Variants in DNASE2B observed in about 807,000 individuals in gnomAD.
DNASE2B encodes the protein deoxyribonuclease 2 beta, also known as deoxyribonuclease-2-beta.
DNASE2B carries 43 observed loss-of-function variants against 46.0 expected under a neutral mutation model. The ratio of observed to expected loss-of-function variants is 0.94; its 90% CI spans 0.73 to 1.21. The LOEUF (loss-of-function observed/expected upper bound fraction) is 1.21. Among genes scored for constraint, DNASE2B ranks in the 50% most tolerant of loss-of-function variants. The pLI is 0.00. For missense variants in DNASE2B, 395 were observed against 414.4 expected, an observed-to-expected ratio of 0.95 and a Z score of 0.41; for synonymous variants, 156 against 152.5, an observed-to-expected ratio of 1.02 and a Z score of -0.17.
At chr1:84,413,248 A>C (rs1680634189) in intron 5 of DNASE2B, among the ~76,000 whole-genome samples, 1 of 151,990 alleles carries the variant, frequency 6.6e-6, no homozygotes, top group Non-Finnish European at 1.5e-5. Flanking sequence ...CAGGGCCTTC[A>C]CTTGCTCAAT....
At chr1:84,413,928 T>C (rs1680645808) in intron 5 of DNASE2B, among the ~76,000 whole-genome samples, 1 of 152,200 alleles carries the variant, frequency 6.6e-6, no homozygotes, top group Non-Finnish European at 1.5e-5. Context: ...TCCAGATCCT[T>C]AATAACACTC....
Position 84,408,425 on chromosome 1 carries a change from A to C in DNASE2B, c.304-12A>C, listed in dbSNP as rs1429833582. On this transcript the variant is annotated splice_polypyrimidine_tract_variant and intron_variant, in intron 2 of 5. Coordinates refer to ENST00000370665, the MANE Select transcript of DNASE2B (RefSeq NM_021233.3). ...AGATTTACGCCATTATAACCCTAAT[A>C]TATTCCTGCAGAGTAACAACACAGC... 6.2e-7 allele frequency: 1 copy of C among 1,602,604 alleles called. No individual in the cohort carries two copies. The highest frequency in any genetic ancestry group is 1.3e-5 in the African/African-American group (1 of 74,390).
chr1:84,411,111 T>C, intron 4 of DNASE2B, 112 bp downstream of exon 4: 2 of 1,267,788 alleles, frequency 1.6e-6, no homozygotes, highest in Non-Finnish European at 2.2e-6. Flanking sequence ...GACCCTCTGA[T>C]ACCTAGATTC....
chr1:84,400,303 G>A (rs1369717251), intron 1 of DNASE2B, among the ~76,000 whole-genome samples: 1 of 152,168 alleles, frequency 6.6e-6, no homozygotes, highest in East Asian at 1.9e-4. Context: ...AGGAGGCGGA[G>A]GTTGTGGTGA....
rs12057168 is a variant in DNASE2B, at chr1:84,405,348, T to C, written c.304-3089T>C. Among the ~76,000 whole-genome samples the C allele has an allele frequency of 4.2e-3, 633 of 152,348 alleles. 8 individuals are homozygous for C. Among genetic ancestry groups the C allele is most frequent in the African/African-American group, 0.015 (615 of 41,576 alleles). On this transcript the variant is annotated intron_variant, in intron 2 of 5. Transcript: ENST00000370665. ...AGCTATAAAAGTATTTTGTAAAAAG[T>C]GCAAGGTTTTCATGCCTACTGGCAT...
Position 84,412,574 on chromosome 1 carries a change from G to A in DNASE2B, c.745+28G>A, listed in dbSNP as rs527599133. On this transcript the variant is annotated intron_variant, in intron 5 of 5. Transcript: ENST00000370665. ...ATGAAAGACCATCATCAAACAACAT[G>A]CTGTATAATTCTGCTGTTGAACTGA... 2.0e-4 allele frequency: 317 copies of A among 1,569,926 alleles called. 6 individuals are homozygous for A. The South Asian group carries it at 3.5e-3, about 17-fold the overall frequency.
chr1:84,401,658 T>G (rs1045623206), intron 1 of DNASE2B, among the ~76,000 whole-genome samples: 1 of 152,178 alleles, frequency 6.6e-6, no homozygotes, highest in African/African-American at 2.4e-5. Context: ...GACTTCCACT[T>G]CAGGGACTCC....
chr1:84,413,023 A>T (rs377644641), intron 5 of DNASE2B, among the ~76,000 whole-genome samples: 6 of 145,446 alleles, frequency 4.1e-5, no homozygotes, highest in African/African-American at 1.6e-4. Context: ...CCACCCCCAA[A>T]GAAGTGATGC....
chr1:84,414,941 T>C lies in DNASE2B; in HGVS notation c.*73T>C, dbSNP rs1385205546. 7.3e-6 allele frequency: 8 copies of C among 1,092,172 alleles called. No homozygotes were observed. The Admixed American group carries it at 9.9e-5, about 13-fold the overall frequency. 67.7% of individuals were successfully genotyped at this position (1,092,172 alleles called of 1,614,324 possible). ...GTCTTCTTCCATTACACCTTCTTTA[T>C]ATTTTAAAGGCCTGTGAATATACTT... On this transcript the variant is annotated 3_prime_UTR_variant, in exon 6 of 6. Transcript: ENST00000370665.
At chr1:84,398,898 C>T (rs1215693010) in intron 1 of DNASE2B, among the ~76,000 whole-genome samples, 1 of 152,176 alleles carries the variant, frequency 6.6e-6, no homozygotes, top group African/African-American at 2.4e-5. Flanking sequence ...CTGAGCAGCC[C>T]CTCTTGGGCC....
At chr1:84,403,953 A>ATT (rs562382212) in intron 2 of DNASE2B, among the ~76,000 whole-genome samples, 5,730 of 108,016 alleles carry the variant, frequency 0.053, 260 homozygotes, top group Admixed American at 0.07. Flanking sequence ...TGCCTGGCTA[A>ATT]TTTTTTTTTT....
rs1435195831 is a variant in DNASE2B, at chr1:84,411,451, T to G, written c.547+452T>G. Among the ~76,000 whole-genome samples the G allele has an allele frequency of 2.6e-4, 24 of 94,068 alleles. 1 individual carries two copies. The highest frequency in any genetic ancestry group is 9.5e-4 in the African/African-American group (21 of 22,174). The allele number at this position is 94,068 out of a possible 152,430, so 61.7% of individuals were successfully genotyped here. ...GTGTGTGTGTGTGTGTGTGTGTGTG[T>G]GTGTGTGTGTGTGTGTGTGTGTGTG... On this transcript the variant is annotated intron_variant, in intron 4 of 5. Coordinates refer to ENST00000370665, the MANE Select transcript of DNASE2B (RefSeq NM_021233.3).
intron 5 of DNASE2B, among the ~76,000 whole-genome samples, chr1:84,413,357 T>C (rs1680636152): frequency 6.6e-6 from 1 of 152,178 alleles, no homozygotes; most frequent in Non-Finnish European, 1.5e-5. Flanking sequence ...CCTTGCTTAT[T>C]TGCTTCCTTC....
intron 3 of DNASE2B, 147 bp from the exon 4 acceptor site, chr1:84,410,689 CTT>C (rs1680572680): frequency 1.2e-6 from 1 of 809,308 alleles, no homozygotes; most frequent in African/African-American, 1.7e-5. Flanking sequence ...TATTTGAAAT[CTT>C]TGAAAAATAA....
At chr1:84,409,800 A>G (rs1162774164) in intron 3 of DNASE2B, among the ~76,000 whole-genome samples, 2 of 152,180 alleles carry the variant, frequency 1.3e-5, no homozygotes, top group African/African-American at 4.8e-5. Flanking sequence ...TCTCTTGGCC[A>G]ACAGATGCCC....
At chr1:84,405,100 T>C (rs1432087376) in intron 2 of DNASE2B, among the ~76,000 whole-genome samples, 2 of 152,144 alleles carry the variant, frequency 1.3e-5, no homozygotes, top group South Asian at 2.1e-4. Flanking sequence ...AAAAGCTGCT[T>C]CTCCTGTTAT....
At chr1:84,414,467 T>C (rs1223957258) in intron 5 of DNASE2B, 61 bp from the exon 6 acceptor site, 2 of 1,410,070 alleles carry the variant, frequency 1.4e-6, no homozygotes, top group Non-Finnish European at 1.9e-6. Flanking sequence ...CAGAGTATAT[T>C]TTCAGGGACT....
intron 3 of DNASE2B, 60 bp from the exon 4 acceptor site, chr1:84,410,777 AC>A: frequency 1.3e-6 from 2 of 1,532,116 alleles, no homozygotes; most frequent in South Asian, 1.2e-5. Context: ...GCCACTGTGA[AC>A]CCTATTATAA....
At chr1:84,413,632 C>A (rs1282925966) in intron 5 of DNASE2B, among the ~76,000 whole-genome samples, 3 of 152,142 alleles carry the variant, frequency 2.0e-5, no homozygotes, top group Admixed American at 2.0e-4. Flanking sequence ...GGCCCCTACC[C>A]TTCCTTATCT....
Sources: gnomAD v4.1 joint callset for allele counts (sites outside exome capture counted in the v4.1 genomes callset) on GRCh38, gnomAD v4.1.1 for gene constraint, MANE v1.5 for transcripts, NCBI Gene and HGNC (gene_info 2026-07-23, HGNC 2026-07-21) for gene names.